OCA2: variants seen among roughly 807,000 people sequenced by gnomAD.
The protein encoded by OCA2 is OCA2 melanosomal transmembrane protein.
In OCA2, 77 loss-of-function variants were observed where a neutral mutation model predicts 100.2. The ratio of observed to expected loss-of-function variants is 0.77; its 90% CI spans 0.64 to 0.93. The LOEUF (loss-of-function observed/expected upper bound fraction) is 0.93, where lower values mean the gene tolerates loss of function less well. OCA2 is among the 40% of genes least tolerant of loss of function. The pLI is 0.00. For missense variants in OCA2, 1,062 were observed against 1,089.1 expected, an observed-to-expected ratio of 0.98 and a Z score of 0.35; for synonymous variants, 432 against 439.2, an observed-to-expected ratio of 0.98 and a Z score of 0.21.
intron 1 of OCA2, among the ~76,000 whole-genome samples, chr15:28,091,475 G>A (rs948356323): frequency 1.3e-5 from 2 of 152,146 alleles, no homozygotes; most frequent in Non-Finnish European, 2.9e-5. Context: ...ACATAACTAA[G>A]TAGGGTTTGT....
chr15:28,063,970 G>A (rs1441702851), intron 2 of OCA2, among the ~76,000 whole-genome samples: 1 of 152,080 alleles, frequency 6.6e-6, no homozygotes, highest in Non-Finnish European at 1.5e-5. Flanking sequence ...AACAATTTTT[G>A]TGGGAAAGGT....
chr15:27,738,119 T>G, the OCA2 span, among the ~76,000 whole-genome samples: 2 of 151,954 alleles, frequency 1.3e-5, no homozygotes, highest in African/African-American at 4.8e-5. Flanking sequence ...TCTTGAACCT[T>G]TGCTCACTCT....
At chr15:27,809,012 T>C (rs887874798) in intron 23 of OCA2, among the ~76,000 whole-genome samples, 4 of 152,160 alleles carry the variant, frequency 2.6e-5, no homozygotes, top group African/African-American at 4.8e-5. Context: ...ATCCAGCCAG[T>C]GTCCTCCACA....
intron 21 of OCA2, among the ~76,000 whole-genome samples, chr15:27,866,276 A>G (rs1194040361): frequency 6.6e-6 from 1 of 152,202 alleles, no homozygotes; most frequent in Non-Finnish European, 1.5e-5. Flanking sequence ...GCACTGTCAA[A>G]GGCACAAGAG....
At chr15:28,046,453 T>C (rs1470603322) in intron 2 of OCA2, among the ~76,000 whole-genome samples, 1 of 152,038 alleles carries the variant, frequency 6.6e-6, no homozygotes, top group Non-Finnish European at 1.5e-5. Context: ...AGGTCTCTTG[T>C]TAAGGACACA....
intron 23 of OCA2, among the ~76,000 whole-genome samples, chr15:27,788,925 T>C (rs776742040): frequency 1.3e-4 from 20 of 152,110 alleles, no homozygotes; most frequent in Non-Finnish European, 2.8e-4. Context: ...ATCCTATTTA[T>C]CACAATCTGG....
chr15:27,730,111 C>T, the OCA2 span, among the ~76,000 whole-genome samples: 8 of 152,214 alleles, frequency 5.3e-5, no homozygotes, highest in Admixed American at 2.6e-4. Context: ...AGTCCTGGTC[C>T]TCCTATGCTT....
chr15:27,844,863 T>C (rs1340393986), intron 23 of OCA2, 96 bp downstream of exon 23: 1 of 897,942 alleles, frequency 1.1e-6, no homozygotes, highest in Non-Finnish European at 1.8e-6. Context: ...TTGCTAAAAA[T>C]ATGCTTATTT....
intron 2 of OCA2, among the ~76,000 whole-genome samples, chr15:28,049,951 T>C (rs1186023618): frequency 6.6e-6 from 1 of 152,170 alleles, no homozygotes; most frequent in African/African-American, 2.4e-5. Context: ...AAATGGTAGA[T>C]TATATGATAT....
intron 13 of OCA2, among the ~76,000 whole-genome samples, chr15:27,984,112 C>A (rs1457762345): frequency 6.6e-6 from 1 of 151,880 alleles, no homozygotes; most frequent in African/African-American, 2.4e-5. Context: ...ACCCTGGGAG[C>A]ATTCCAGTTA....
intron 2 of OCA2, among the ~76,000 whole-genome samples, chr15:28,036,684 T>C (rs2043053471): frequency 6.6e-6 from 1 of 151,836 alleles, no homozygotes; most frequent in Non-Finnish European, 1.5e-5. Context: ...ATGATGCTTA[T>C]ATCATCATAT....
At chr15:27,814,301 A>G (rs1236553734) in intron 23 of OCA2, among the ~76,000 whole-genome samples, 1 of 152,256 alleles carries the variant, frequency 6.6e-6, no homozygotes, top group African/African-American at 2.4e-5. Flanking sequence ...TGAATAAGAT[A>G]GAAGACTGAA....
At chr15:27,924,585 G>C (rs1298681863) in intron 19 of OCA2, among the ~76,000 whole-genome samples, 1 of 152,102 alleles carries the variant, frequency 6.6e-6, no homozygotes. Context: ...CACGAGATAA[G>C]TTAGTATTAA....
chr15:27,903,522 C>CT (rs1263665929), intron 19 of OCA2, among the ~76,000 whole-genome samples: 1 of 152,198 alleles, frequency 6.6e-6, no homozygotes, highest in Non-Finnish European at 1.5e-5. Context: ...GAGTCTTGCT[C>CT]TGTTGCCCCG....
intron 18 of OCA2, among the ~76,000 whole-genome samples, chr15:27,949,700 T>A (rs1272988668): frequency 6.6e-6 from 1 of 152,026 alleles, no homozygotes; most frequent in Non-Finnish European, 1.5e-5. Context: ...TTTAAAAAAA[T>A]TAAAAAGAAA....
At chr15:27,801,001 C>T (rs565124070) in intron 23 of OCA2, among the ~76,000 whole-genome samples, 1 of 152,004 alleles carries the variant, frequency 6.6e-6, no homozygotes, top group African/African-American at 2.4e-5. Context: ...TAATGCAAAA[C>T]CTTCCCACAA....
At chr15:28,096,558 AG>A (rs929089114) in intron 1 of OCA2, among the ~76,000 whole-genome samples, 2 of 152,138 alleles carry the variant, frequency 1.3e-5, no homozygotes, top group African/African-American at 4.8e-5. Flanking sequence ...GGGCTGAGAC[AG>A]GGGTGTCCCG....
intron 23 of OCA2, among the ~76,000 whole-genome samples, chr15:27,798,904 G>T (rs1056865149): frequency 2.0e-5 from 3 of 152,174 alleles, no homozygotes; most frequent in Admixed American, 6.5e-5. Context: ...ATTTGAAAAG[G>T]CCTTAAAGAA....
chr15:28,006,012 T>A (rs2042080857), intron 9 of OCA2, among the ~76,000 whole-genome samples: 1 of 152,148 alleles, frequency 6.6e-6, no homozygotes, highest in African/African-American at 2.4e-5. Context: ...ACTGGCCAGC[T>A]GGGGAACTTT....
Sources: allele counts gnomAD v4.1 joint callset (sites outside exome capture counted in the v4.1 genomes callset), GRCh38; gene constraint gnomAD v4.1.1; transcripts MANE v1.5; gene names NCBI Gene and HGNC (gene_info 2026-07-23, HGNC 2026-07-21).